APBA2: variants seen among roughly 807,000 people sequenced by gnomAD.
APBA2 encodes amyloid-beta A4 precursor protein-binding family A member 2.
APBA2 carries 30 observed loss-of-function variants against 75.0 expected under a neutral mutation model. That is an observed-to-expected ratio of 0.40 (90% CI 0.30 to 0.54). APBA2 has a LOEUF of 0.54. APBA2 is among the 20% of genes least tolerant of loss of function. The pLI is 0.49. For missense variants in APBA2, 801 were observed against 1,016.1 expected, an observed-to-expected ratio of 0.79 and a Z score of 2.88; for synonymous variants, 444 against 409.6, an observed-to-expected ratio of 1.08 and a Z score of -1.01.
At chr15:29,013,273 C>CTTTTTTT (rs560518234) in intron 3 of APBA2, among the ~76,000 whole-genome samples, 4 of 85,850 alleles carry the variant, frequency 4.7e-5, no homozygotes, top group African/African-American at 5.0e-5. Context: ...ATGAGTCATT[C>CTTTTTTT]TTTTTTTTTT....
chr15:29,075,551 C>T (rs1190524944), intron 5 of APBA2, among the ~76,000 whole-genome samples: 1 of 152,168 alleles, frequency 6.6e-6, no homozygotes, highest in Non-Finnish European at 1.5e-5. Flanking sequence ...AAAATCATCC[C>T]AGTTGAGAAC....
intron 12 of APBA2, among the ~76,000 whole-genome samples, chr15:29,107,939 C>A (rs1181017400): frequency 4.6e-5 from 7 of 152,164 alleles, no homozygotes; most frequent in Non-Finnish European, 1.5e-5. Context: ...CTGAGGGTGA[C>A]CTGGTGCCAG....
At position 29,115,986 on chromosome 15, in the gene APBA2, G is replaced by A. The variant is rs936730949; in HGVS notation, c.2179-1076G>A. On this transcript the variant is annotated intron_variant, in intron 14 of 14. Transcript: ENST00000683413. ...TGCGAGGGCCCCCCATCCGGAGGCC[G>A]CAGCCTAGCACAGTCCCGGGCAGGA... Among the ~76,000 whole-genome samples, 10 of 152,330 alleles carry A rather than the reference G, an allele frequency of 6.6e-5. No homozygotes were observed. The South Asian group carries it at 1.7e-3, about 25-fold the overall frequency.
intron 3 of APBA2, among the ~76,000 whole-genome samples, chr15:29,052,701 C>T (rs1238754056): frequency 6.6e-6 from 1 of 152,056 alleles, no homozygotes; most frequent in Non-Finnish European, 1.5e-5. Context: ...TAACAGAATA[C>T]CTAAGACTGG....
intron 2 of APBA2, among the ~76,000 whole-genome samples, chr15:28,981,557 T>C (rs888738672): frequency 6.6e-6 from 1 of 152,214 alleles, no homozygotes; most frequent in Non-Finnish European, 1.5e-5. Flanking sequence ...ACACTATTGG[T>C]AGGAATGTAA....
intron 2 of APBA2, among the ~76,000 whole-genome samples, chr15:28,981,011 A>G (rs1225576762): frequency 6.6e-6 from 1 of 152,182 alleles, no homozygotes; most frequent in East Asian, 1.9e-4. Flanking sequence ...CTGGATCCCT[A>G]CCTTTTACCA....
At chr15:29,103,492 G>GC (rs2044234254) in intron 10 of APBA2, among the ~76,000 whole-genome samples, 5 of 152,322 alleles carry the variant, frequency 3.3e-5, no homozygotes, top group African/African-American at 1.2e-4. Context: ...CGCAGAGAGA[G>GC]CCCCCTGAAC....
At chr15:28,888,468 G>GT (rs2031904493) in intron 1 of APBA2, among the ~76,000 whole-genome samples, 2 of 152,170 alleles carry the variant, frequency 1.3e-5, no homozygotes, top group Non-Finnish European at 2.9e-5. Flanking sequence ...TGGCTTCAGA[G>GT]ACCCCCTCGA....
At chr15:28,995,191 C>T (rs1052684266) in intron 2 of APBA2, among the ~76,000 whole-genome samples, 2 of 152,208 alleles carry the variant, frequency 1.3e-5, no homozygotes, top group Non-Finnish European at 2.9e-5. Flanking sequence ...GCAGAGCTTC[C>T]TCTATTCAGG....
chr15:29,073,389 T>C (rs2152923041), intron 4 of APBA2, among the ~76,000 whole-genome samples: 1 of 152,368 alleles, frequency 6.6e-6, no homozygotes, highest in East Asian at 1.9e-4. Flanking sequence ...CTCACTGTGT[T>C]GCCCAGGCTG....
intron 3 of APBA2, among the ~76,000 whole-genome samples, chr15:29,044,609 T>C (rs762285578): frequency 1.3e-5 from 2 of 149,952 alleles, no homozygotes; most frequent in Non-Finnish European, 3.0e-5. Flanking sequence ...ACACCCCCCC[T>C]GGGCTCATAT....
At chr15:28,954,690 G>A (rs1048621594) in intron 2 of APBA2, among the ~76,000 whole-genome samples, 11 of 152,158 alleles carry the variant, frequency 7.2e-5, no homozygotes, top group African/African-American at 4.8e-5. Context: ...CGGCGCTCAC[G>A]GTCAGGCTGC....
chr15:28,898,969 A>C (rs1022877340), intron 1 of APBA2, among the ~76,000 whole-genome samples: 1 of 152,272 alleles, frequency 6.6e-6, no homozygotes, highest in African/African-American at 2.4e-5. Flanking sequence ...TCTGCAGGAA[A>C]TGTATTTTTA....
At chr15:29,103,906 C>T (rs2044264793) in intron 10 of APBA2, among the ~76,000 whole-genome samples, 1 of 152,222 alleles carries the variant, frequency 6.6e-6, no homozygotes, top group Non-Finnish European at 1.5e-5. Flanking sequence ...GCCAACTCCG[C>T]AGGCCAGCCC....
rs2032703809 is a variant in APBA2, at chr15:28,899,300, C to T, written c.-205+13022C>T. Among the ~76,000 whole-genome samples, 3 of 152,256 alleles carry T rather than the reference C, an allele frequency of 2.0e-5. No individual in the cohort carries two copies. The South Asian group carries it at 6.2e-4, about 31-fold the overall frequency. Reference sequence around the variant, plus strand: ...CACCTGCCTTCCCTGCCTCATCTACCTGTGAACTTCTCATTCCTCTGGACT... The same window carrying T: ...CACCTGCCTTCCCTGCCTCATCTACTTGTGAACTTCTCATTCCTCTGGACT... On this transcript the variant is annotated intron_variant, in intron 1 of 14. Transcript: ENST00000683413.
At chr15:29,070,983 G>A (rs1355701470) in intron 4 of APBA2, 1 of 443,080 alleles carries the variant, frequency 2.3e-6, no homozygotes, top group Non-Finnish European at 4.5e-6. Context: ...GGGGATGGCT[G>A]TGGCTAGCCT....
intron 2 of APBA2, among the ~76,000 whole-genome samples, chr15:28,962,150 T>C (rs1197710652): frequency 6.6e-6 from 1 of 152,194 alleles, no homozygotes; most frequent in African/African-American, 2.4e-5. Context: ...ATTATCCTCA[T>C]TGAGGTTCAT....
chr15:28,993,750 G>T (rs937063379), intron 2 of APBA2, among the ~76,000 whole-genome samples: 3 of 152,198 alleles, frequency 2.0e-5, no homozygotes, highest in Non-Finnish European at 4.4e-5. Flanking sequence ...CTGGAGACTC[G>T]CAGACTCTGG....
chr15:29,002,912 G>A (rs2038923084), intron 3 of APBA2, among the ~76,000 whole-genome samples: 1 of 152,120 alleles, frequency 6.6e-6, no homozygotes, highest in Non-Finnish European at 1.5e-5. Flanking sequence ...CTTTCATCTC[G>A]AAGGATGAAT....
Sources: allele counts gnomAD v4.1 joint callset (sites outside exome capture counted in the v4.1 genomes callset), GRCh38; gene constraint gnomAD v4.1.1; transcripts MANE v1.5; gene names NCBI Gene and HGNC (gene_info 2026-07-23, HGNC 2026-07-21).